The following CYP27B1 variants were observed in gnomAD, a reference collection of about 807,000 sequenced individuals.
CYP27B1 encodes the protein cytochrome P450 family 27 subfamily B member 1.
In CYP27B1, 46 loss-of-function variants were observed where a neutral mutation model predicts 54.8. That is an observed-to-expected ratio of 0.84 (90% CI 0.66 to 1.07). CYP27B1 has a LOEUF of 1.07. Ranked by LOEUF, CYP27B1 falls within the 50% of genes least tolerant of loss-of-function variation. CYP27B1 has a pLI of 0.00. For missense variants in CYP27B1, 674 were observed against 692.2 expected, an observed-to-expected ratio of 0.97 and a Z score of 0.30; for synonymous variants, 292 against 297.3, an observed-to-expected ratio of 0.98 and a Z score of 0.18.
intron 6 of CYP27B1, 84 bp downstream of exon 6, chr12:57,764,291 TCTG>T (rs1345683823): frequency 3.2e-6 from 5 of 1,587,210 alleles, no homozygotes; most frequent in South Asian, 2.2e-5. Context: ...GCCATTTTTC[TCTG>T]CTATCTCCCT....
chr12:57,764,771 A>C lies in CYP27B1; in HGVS notation c.946T>G (p.Leu316Val). 1 of 1,614,148 alleles carries C rather than the reference A, an allele frequency of 6.2e-7. No individual in the cohort carries two copies. The highest frequency in any genetic ancestry group is 8.5e-7 in the Non-Finnish European group (1 of 1,180,018). ...SILGNVTELL[L>V]AGVDTVSNTL... ...AACCTCACCGTGTCCACTCCCGCCA[A>C]TAGCAACTCTGTCACATTTCCCAGG... The change falls in exon 5 of 9, where the codon TTG becomes GTG. Residue 316 changes from leucine (L) to valine (V), a missense_variant. Transcript: ENST00000228606.
Position 57,765,538 on chromosome 12 carries a change from G to T in CYP27B1, c.387-39C>A, listed in dbSNP as rs111629101. On this transcript the variant is annotated intron_variant, in intron 2 of 8. Transcript: ENST00000228606. The surrounding 1 kb of genome is among the most constrained non-coding windows in gnomAD (Gnocchi z 5.8). ...GAGAGAGTGCGCATCGGGAAGGTGGGGACGGCTCGACGGGACTGGCTGCAG... is the reference window on the plus strand; with the variant it reads ...GAGAGAGTGCGCATCGGGAAGGTGGTGACGGCTCGACGGGACTGGCTGCAG... The T allele has an allele frequency of 5.4e-3, 8,565 of 1,575,870 alleles. 240 individuals carry two copies. In the South Asian group the frequency reaches 0.061, roughly 11 times the overall value.
At position 57,766,207 on chromosome 12, in the gene CYP27B1, C is replaced by A. The variant is rs751574733; in HGVS notation, c.196-10G>T. 2.1e-5 allele frequency: 32 copies of A among 1,524,336 alleles called. No individual in the cohort carries two copies. The African/African-American group carries it at 3.0e-4, about 14-fold the overall frequency. 94.4% of individuals were successfully genotyped at this position (1,524,336 alleles called of 1,614,324 possible). A position where few individuals can be genotyped will look rare whatever the true frequency, so the allele number is the denominator to read the frequency against. ...GCGCGGCGCCCTGCACCTGGGGGAG[C>A]GGACACAGCGGACACTTGGATACCT... On this transcript the variant is annotated splice_polypyrimidine_tract_variant and intron_variant, in intron 1 of 8. Transcript: ENST00000228606.
At chr12:57,764,199 G>C in intron 6 of CYP27B1, 23 bp from the exon 7 acceptor site, 1 of 1,601,062 alleles carries the variant, frequency 6.2e-7, no homozygotes, top group Non-Finnish European at 8.6e-7. Flanking sequence ...GCACAAAATG[G>C]AGACAACAAG....
In CYP27B1 at chr12:57,765,916, C is replaced by A. The variant is rs1955356068; in HGVS notation, c.386+91G>T. On this transcript the variant is annotated intron_variant, in intron 2 of 8. Coordinates refer to ENST00000228606, the MANE Select transcript of CYP27B1 (RefSeq NM_000785.4). This position sits in a 1 kb window ranked among gnomAD's most constrained non-coding sequence, Gnocchi z 5.8. ...ATGGTAGAGTGGGACAGCCGACCTC[C>A]CACCATGCCCCCAGATTGATAGTTT... The A allele has an allele frequency of 6.9e-7, 1 of 1,450,392 alleles. No individual in the cohort carries two copies. Among genetic ancestry groups the A allele is most frequent in the Admixed American group, 2.7e-5 (1 of 36,790 alleles). 89.8% of individuals were successfully genotyped at this position (1,450,392 alleles called of 1,614,324 possible).
At position 57,765,041 on chromosome 12, in the gene CYP27B1, A is replaced by G. The variant is rs753888767; in HGVS notation, c.760T>C (p.Cys254Arg). Reference sequence around the variant, plus strand: ...GCAAACATCTGGTCCCAGTCTCGGCAGAGGCGGCCCCAGGGCCCAGGCACA... The same window carrying G: ...GCAAACATCTGGTCCCAGTCTCGGCGGAGGCGGCCCCAGGGCCCAGGCACA... ...HLVPGPWGRLCRDWDQMFAFA... is the reference protein window; with the variant it reads ...HLVPGPWGRLRRDWDQMFAFA... Residue 254 changes from cysteine (C) to arginine (R), a missense_variant, in exon 4 of 9, where the codon TGC (cysteine) becomes CGC (arginine). Coordinates refer to ENST00000228606, the MANE Select transcript of CYP27B1 (RefSeq NM_000785.4). The surrounding 1 kb of genome is among the most constrained non-coding windows in gnomAD (Gnocchi z 5.8). 2.5e-6 allele frequency: 4 copies of G among 1,613,740 alleles called. No individual in the cohort carries two copies. The Admixed American group carries it at 5.0e-5, about 20-fold the overall frequency.
rs1955341535 is a variant in CYP27B1 at position 57,764,411 on chromosome 12, G to T, written c.1103C>A (p.Pro368His). The change falls in exon 6 of 9, where the codon CCC becomes CAC. Residue 368 changes from proline to histidine, a missense_variant. Pro to His is a moderately conservative substitution (Grantham distance 77). Coordinates refer to ENST00000228606, the MANE Select transcript of CYP27B1 (RefSeq NM_000785.4). ...TTCCTTGACCACCGCCTTCAGCAGG[G>T]GCAGCTGGGACAGAACAGTGGCTGA... is the stretch of plus-strand genomic sequence containing the variant. ...YPSATVLSQL[P>H]LLKAVVKEVL... 6.2e-7 allele frequency: 1 copy of T among 1,614,072 alleles called. No individual in the cohort carries two copies. The highest frequency in any genetic ancestry group is 1.1e-5 in the South Asian group (1 of 91,092).
chr12:57,763,262 A>G lies in CYP27B1; in HGVS notation c.1414-7T>C. 6.2e-7 allele frequency: 1 copy of G among 1,602,286 alleles called. No individual in the cohort carries two copies. Among genetic ancestry groups the G allele is most frequent in the Non-Finnish European group, 8.6e-7 (1 of 1,169,396 alleles). On this transcript the variant is annotated splice_polypyrimidine_tract_variant and splice_region_variant and intron_variant, in intron 8 of 8. Transcript: ENST00000228606. ...CCTCAAAATGTGTTAGGATCTGGAA[A>G]GGGAAGAAGGTGAGCATTACTATGA...
intron 1 of CYP27B1, 42 bp from the exon 2 acceptor site, chr12:57,766,239 G>A (rs1595119168): frequency 3.3e-6 from 5 of 1,498,242 alleles, no homozygotes; most frequent in Non-Finnish European, 4.5e-6. Context: ...ACCTGGGCGG[G>A]GACTTTCAGC....
chr12:57,766,775 A>G (rs1454335180), intron 1 of CYP27B1, 72 bp downstream of exon 1: 2 of 1,499,700 alleles, frequency 1.3e-6, no homozygotes. Context: ...GCTCTGCACT[A>G]GTCAGTCCTT....
At position 57,766,358 on chromosome 12, in the gene CYP27B1, C is replaced by T. The variant is rs117629275; in HGVS notation, c.196-161G>A. ...GCCTTTGATACTGCAAACTCCTCCT[C>T]TCTCATTTCCCATCCCTAGAAAGTT... On this transcript the variant is annotated intron_variant, in intron 1 of 8. Coordinates refer to ENST00000228606, the MANE Select transcript of CYP27B1 (RefSeq NM_000785.4). The T allele has an allele frequency of 5.7e-4, 557 of 981,918 alleles. 2 individuals carry two copies. The highest frequency in any genetic ancestry group is 1.7e-3 in the Middle Eastern group (6 of 3,580). 60.8% of individuals were successfully genotyped at this position (981,918 alleles called of 1,614,324 possible).
Position 57,765,831 on chromosome 12 carries a change from G to T in CYP27B1, c.386+176C>A. 1 of 1,275,386 alleles carries T rather than the reference G, an allele frequency of 7.8e-7. No individual in the cohort carries two copies. Among genetic ancestry groups the T allele is most frequent in the Non-Finnish European group, 1.0e-6 (1 of 952,560 alleles). 79.0% of individuals were successfully genotyped at this position (1,275,386 alleles called of 1,614,324 possible). On this transcript the variant is annotated intron_variant, in intron 2 of 8. Transcript: ENST00000228606. The surrounding 1 kb of genome is among the most constrained non-coding windows in gnomAD (Gnocchi z 5.8). ...GGATAAGGAGGTAGGCGGGGAGTGAGGTTGGGGCTCAACCTGAGTGTGGGT... is the reference window on the plus strand; with the variant it reads ...GGATAAGGAGGTAGGCGGGGAGTGATGTTGGGGCTCAACCTGAGTGTGGGT...
At position 57,766,969 on chromosome 12, in the gene CYP27B1, G is replaced by T; in HGVS notation, c.73C>A (p.Leu25Ile). The change falls in exon 1 of 9, where the codon CTA becomes ATA. Residue 25 changes from leucine to isoleucine, a missense_variant. Physicochemically the swap from Leu to Ile is conservative, Grantham distance 5. Transcript: ENST00000228606. ...GCTGAGTGGTACTCTCGGTAGCCTA[G>T]GGAGGCGCCCAACTCGGGCGCCCAG... ...VRWAPELGAS[L>I]GYREYHSARR... 1 of 1,614,182 alleles carries T rather than the reference G, an allele frequency of 6.2e-7. No individual in the cohort carries two copies. The highest frequency in any genetic ancestry group is 8.5e-7 in the Non-Finnish European group (1 of 1,180,002).
rs771151644 is a variant in CYP27B1 at position 57,763,202 on chromosome 12, G to T, written c.1467C>A (p.Pro489=). ...CAGGTACCAGGACAGTCCGGGTCTT[G>T]GGTCTAACTGGGGCCGCACCTGGCT... The part of the protein sequence containing the change: ...QPEPGAAPVR[P]KTRTVLVPER... The change falls in exon 9 of 9, where the codon CCC becomes CCA. Residue 489 remains proline, a synonymous_variant. Transcript: ENST00000228606. 6.2e-7 allele frequency: 1 copy of T among 1,614,188 alleles called. No individual in the cohort carries two copies. Among genetic ancestry groups the T allele is most frequent in the African/African-American group, 1.3e-5 (1 of 75,050 alleles).
Position 57,767,061 on chromosome 12 carries a change from G to A in CYP27B1, c.-20C>T. On this transcript the variant is annotated 5_prime_UTR_variant, in exon 1 of 9. Transcript: ENST00000228606. ...GGTCATGGTCTGGTTCAGGGTGCTC[G>A]CGAAAGAAAGCGCTTCTCCTGAGCA... The A allele has an allele frequency of 1.2e-6, 2 of 1,610,938 alleles. No homozygotes were observed. The highest frequency in any genetic ancestry group is 1.7e-6 in the Non-Finnish European group (2 of 1,177,188).
Position 57,765,765 on chromosome 12 carries a change from A to G in CYP27B1, c.386+242T>C, listed in dbSNP as rs1955354804. ...ATCCAGATCCTTGTACCCTAGCCCA[A>G]TTCCTCCGGTTCCCCCAGTTCCCAG... On this transcript the variant is annotated intron_variant, in intron 2 of 8. Transcript: ENST00000228606. This position sits in a 1 kb window ranked among gnomAD's most constrained non-coding sequence, Gnocchi z 5.8. The G allele has an allele frequency of 5.9e-6, 5 of 845,618 alleles. No individual in the cohort carries two copies. The highest frequency in any genetic ancestry group is 9.0e-6 in the Non-Finnish European group (5 of 553,620). The allele number at this position is 845,618 out of a possible 1,614,324, so 52.4% of individuals were successfully genotyped here.
Position 57,765,306 on chromosome 12 carries a change from C to T in CYP27B1, c.580G>A (p.Gly194Arg). Residue 194 changes from glycine (G) to arginine (R), a missense_variant, in exon 3 of 9, where the codon GGA becomes AGA. Gly to Arg is a moderately radical substitution (Grantham distance 125). Transcript: ENST00000228606. This position sits in a 1 kb window ranked among gnomAD's most constrained non-coding sequence, Gnocchi z 5.8. ...CTGTCCTGGGACTCACCTTCCAGTC[C>T]GAACTTGTAAAATTCCCCCGCCACG... ...RDVAGEFYKF[G>R]LEGIAAVLLG... 3 of 1,612,978 alleles carry T rather than the reference C, an allele frequency of 1.9e-6. No individual in the cohort carries two copies. Among genetic ancestry groups the T allele is most frequent in the Non-Finnish European group, 2.5e-6 (3 of 1,179,764 alleles).
At chr12:57,764,260 C>T in intron 6 of CYP27B1, 84 bp from the exon 7 acceptor site, 1 of 1,566,752 alleles carries the variant, frequency 6.4e-7, no homozygotes, top group Non-Finnish European at 8.8e-7. Flanking sequence ...CTTCCAAACC[C>T]TTTTTGGCCA....
chr12:57,764,833 T>A lies in CYP27B1; in HGVS notation c.884A>T (p.His295Leu). The part of the protein sequence containing the change: ...KDLESGAHLT[H>L]FLFREELPAQ... The stretch of plus-strand genomic sequence containing the variant: ...AGGCAACTCTTCCCGGAACAGGAAG[T>A]GGGTCAGGTGCGCCCCAGACTCCAG... Residue 295 changes from histidine (H) to leucine (L), a missense_variant, in exon 5 of 9, where the codon CAC (histidine) becomes CTC (leucine). His to Leu is a moderately conservative substitution (Grantham distance 99). Coordinates refer to ENST00000228606, the MANE Select transcript of CYP27B1 (RefSeq NM_000785.4). The A allele has an allele frequency of 1.2e-6, 2 of 1,614,060 alleles. No individual in the cohort carries two copies. Among genetic ancestry groups the A allele is most frequent in the Non-Finnish European group, 1.7e-6 (2 of 1,179,998 alleles).
Sources: allele counts gnomAD v4.1 joint callset, GRCh38; gene constraint gnomAD v4.1.1; non-coding constraint Gnocchi (gnomAD v3.1); transcripts MANE v1.5; gene names NCBI Gene and HGNC (gene_info 2026-07-23, HGNC 2026-07-21).